The following GADL1 variants were observed in gnomAD, a reference collection of about 807,000 sequenced individuals.
The protein encoded by GADL1 is GAD like acidic amino acid decarboxylase 1.
Under a neutral mutation model 69.5 loss-of-function variants are expected in GADL1, and 71 were observed. The ratio of observed to expected loss-of-function variants is 1.02; its 90% confidence interval spans 0.84 to 1.25. The LOEUF (loss-of-function observed/expected upper bound fraction) is 1.25. Among genes scored for constraint, GADL1 ranks in the 50% most tolerant of loss-of-function variants. The probability of loss-of-function intolerance (pLI) is 0.00; values close to 1 mark genes in which losing one functional copy is unlikely to be tolerated. For synonymous variants in GADL1, 254 were observed against 214.4 expected, an observed-to-expected ratio of 1.18 and a Z score of -1.62; for missense variants, 737 against 631.8, an observed-to-expected ratio of 1.17 and a Z score of -1.79.
At chr3:30,773,754 G>C (rs1353426458) in intron 14 of GADL1, among the ~76,000 whole-genome samples, 1 of 152,100 alleles carries the variant, frequency 6.6e-6, no homozygotes, top group African/African-American at 2.4e-5. Flanking sequence ...GAATGTCTTA[G>C]TAGCTTCTCC....
chr3:30,829,611 G>C (rs1039089808), intron 11 of GADL1, among the ~76,000 whole-genome samples: 35 of 151,826 alleles, frequency 2.3e-4, no homozygotes, highest in Admixed American at 1.1e-3. Flanking sequence ...TTTTCAAAAG[G>C]AATAATTTGG....
At chr3:30,733,310 G>T (rs1695492018) in intron 14 of GADL1, among the ~76,000 whole-genome samples, 1 of 152,198 alleles carries the variant, frequency 6.6e-6, no homozygotes, top group East Asian at 1.9e-4. Context: ...GATGGGTTGG[G>T]ATTGCTGCTG....
intron 11 of GADL1, among the ~76,000 whole-genome samples, chr3:30,831,451 C>T (rs530914039): frequency 6.6e-6 from 1 of 152,022 alleles, no homozygotes; most frequent in Non-Finnish European, 1.5e-5. Flanking sequence ...CTGCAACTAA[C>T]AGATTACCCA....
At chr3:30,801,414 C>T (rs896827432) in intron 11 of GADL1, among the ~76,000 whole-genome samples, 1 of 151,978 alleles carries the variant, frequency 6.6e-6, no homozygotes. Context: ...CTGTCTATAA[C>T]TCAAAGTGCT....
At chr3:30,754,130 TAA>T (rs1052773452) in intron 14 of GADL1, among the ~76,000 whole-genome samples, 1 of 152,176 alleles carries the variant, frequency 6.6e-6, no homozygotes, top group Non-Finnish European at 1.5e-5. Flanking sequence ...CCCAAATAAG[TAA>T]AAACCCTTTT....
At chr3:30,768,632 A>G (rs866727780) in intron 14 of GADL1, among the ~76,000 whole-genome samples, 1 of 152,128 alleles carries the variant, frequency 6.6e-6, no homozygotes, top group Non-Finnish European at 1.5e-5. Context: ...CCTCTGAGGC[A>G]CAAAGAAGCC....
chr3:30,823,232 C>G (rs1358640068), intron 11 of GADL1, among the ~76,000 whole-genome samples: 1 of 148,738 alleles, frequency 6.7e-6, no homozygotes, highest in East Asian at 2.0e-4. Flanking sequence ...GGGAGGACAG[C>G]CAAGACAAGA....
At chr3:30,793,428 GT>G (rs1696963552) in intron 12 of GADL1, among the ~76,000 whole-genome samples, 2 of 151,924 alleles carry the variant, frequency 1.3e-5, no homozygotes, top group African/African-American at 4.8e-5. Flanking sequence ...AAAAAAGTAC[GT>G]TCAGTTTGGG....
At chr3:30,731,106 G>A (rs773661611) in intron 14 of GADL1, among the ~76,000 whole-genome samples, 2 of 152,186 alleles carry the variant, frequency 1.3e-5, no homozygotes, top group Non-Finnish European at 2.9e-5. Context: ...AGATTGGGAA[G>A]ACCTGGTTTA....
chr3:30,854,828 A>AT, intron 3 of GADL1, 39 bp from the exon 4 acceptor site: 1 of 746,484 alleles, frequency 1.3e-6, no homozygotes. Flanking sequence ...ATGCAGCAAT[A>AT]AAAAAAAAAA....
At chr3:30,772,322 T>C (rs1208866389) in intron 14 of GADL1, among the ~76,000 whole-genome samples, 2 of 152,210 alleles carry the variant, frequency 1.3e-5, no homozygotes, top group African/African-American at 2.4e-5. Flanking sequence ...TTAATTACTT[T>C]TAAGAACGTA....
rs1697830071 is a variant in GADL1 at position 30,833,873 on chromosome 3, G to C, written c.1030C>G (p.Leu344Val). Residue 344 changes from leucine (L) to valine (V), a missense_variant, in exon 11 of 15, where the codon CTC (leucine) becomes GTC (valine). By Grantham distance (32) the Leu-to-Val change is conservative (BLOSUM62 1). Coordinates refer to ENST00000282538, the MANE Select transcript of GADL1 (RefSeq NM_207359.3). ...CTTACAGATTTGTCTTTCACAAGGA[G>C]AGCACAGCACTGGATCCCAGCCATC... is the stretch of plus-strand genomic sequence containing the variant. The part of the protein sequence containing the change: ...MLMAGIQCCA[L>V]LVKDKSDLLK... The C allele has an allele frequency of 6.2e-7, 1 of 1,612,308 alleles. No homozygotes were observed. The highest frequency in any genetic ancestry group is 1.1e-5 in the South Asian group (1 of 91,042).
chr3:30,741,302 A>G (rs1695623028), intron 14 of GADL1, among the ~76,000 whole-genome samples: 1 of 150,666 alleles, frequency 6.6e-6, no homozygotes, highest in Non-Finnish European at 1.5e-5. Flanking sequence ...TGATTTGATT[A>G]TGACACTTAA....
intron 12 of GADL1, among the ~76,000 whole-genome samples, chr3:30,797,339 C>T (rs185733641): frequency 1.1e-3 from 164 of 152,296 alleles, no homozygotes; most frequent in Non-Finnish European, 3.1e-4. Flanking sequence ...ACCCACACTA[C>T]TCCCAGTATA....
In GADL1 at chr3:30,751,206, G is replaced by A. The variant is rs1036057135; in HGVS notation, c.1393-22791C>T. Among the ~76,000 whole-genome samples, 9 of 152,164 alleles carry A rather than the reference G, an allele frequency of 5.9e-5. No homozygotes were observed. In the South Asian group the frequency reaches 1.7e-3, roughly 28 times the overall value. ...TGATTGAGGGCCAAGCCTCACTTCA[G>A]CCTCTGATTGGTCACAGGCCAATCC... On this transcript the variant is annotated intron_variant, in intron 14 of 14. Coordinates refer to ENST00000282538, the MANE Select transcript of GADL1 (RefSeq NM_207359.3).
chr3:30,767,335 C>G (rs1696305404), intron 14 of GADL1, among the ~76,000 whole-genome samples: 1 of 151,994 alleles, frequency 6.6e-6, no homozygotes, highest in Non-Finnish European at 1.5e-5. Context: ...TACAAAAGAT[C>G]CAGGAGGATA....
intron 14 of GADL1, among the ~76,000 whole-genome samples, chr3:30,733,015 G>A (rs1157510101): frequency 6.6e-6 from 1 of 152,076 alleles, no homozygotes; most frequent in Non-Finnish European, 1.5e-5. Flanking sequence ...ATTCCAACCC[G>A]GGTGATGGAG....
chr3:30,770,349 G>A (rs370998171), intron 14 of GADL1, among the ~76,000 whole-genome samples: 38 of 152,276 alleles, frequency 2.5e-4, no homozygotes, highest in East Asian at 1.5e-3. Context: ...ATTATTTCAC[G>A]TAGACCTTAC....
chr3:30,867,439 TACAC>T (rs1553603472), intron 1 of GADL1, among the ~76,000 whole-genome samples: 44 of 138,634 alleles, frequency 3.2e-4, no homozygotes, highest in East Asian at 9.2e-4. Context: ...TATATATATA[TACAC>T]ATATATGTAT....
Sources: allele counts gnomAD v4.1 joint callset (sites outside exome capture counted in the v4.1 genomes callset), GRCh38; gene constraint gnomAD v4.1.1; transcripts MANE v1.5; gene names NCBI Gene and HGNC (gene_info 2026-07-23, HGNC 2026-07-21).